Variants in PARP8 observed in about 807,000 individuals in gnomAD.
PARP8 encodes protein mono-ADP-ribosyltransferase PARP8.
In PARP8, 51 loss-of-function variants were observed where a neutral mutation model predicts 124.1. The observed-to-expected ratio is 0.41, with a 90% CI of 0.33 to 0.52. The LOEUF is 0.52. PARP8 is among the 20% of genes least tolerant of loss of function. The pLI is 0.21. For missense variants in PARP8, 860 were observed against 1,018.9 expected (o/e 0.84, Z 2.12); for synonymous variants, 391 against 361.5 (o/e 1.08, Z -0.93).
At chr5:50,682,800 G>T (rs1349363581) in intron 2 of PARP8, among the ~76,000 whole-genome samples, 1 of 152,150 alleles carries the variant, frequency 6.6e-6, no homozygotes, top group Non-Finnish European at 1.5e-5. Context: ...GTGGACCAGA[G>T]GTGAGCAGAG....
intron 3 of PARP8, among the ~76,000 whole-genome samples, chr5:50,752,939 A>G (rs768931750): frequency 9.9e-5 from 15 of 152,042 alleles, no homozygotes; most frequent in Non-Finnish European, 1.3e-4. Flanking sequence ...AACTTGTACC[A>G]TCTATTGAAA....
Position 50,793,484 on chromosome 5 carries a change from G to A in PARP8, c.738-723G>A, listed in dbSNP as rs181158888. On this transcript the variant is annotated intron_variant, in intron 10 of 25. Transcript: ENST00000281631. Reference sequence around the variant, plus strand: ...GCATTCCAGAATTCTTTACCATAAAGCACTGATGGAGTGATTTTGACATAG... The same window carrying A: ...GCATTCCAGAATTCTTTACCATAAAACACTGATGGAGTGATTTTGACATAG... Among the ~76,000 whole-genome samples the A allele has an allele frequency of 1.8e-4, 28 of 152,268 alleles. 1 individual carries two copies. The East Asian group carries it at 5.4e-3, about 29-fold the overall frequency.
At chr5:50,841,303 A>G (rs1221629212) in intron 25 of PARP8, among the ~76,000 whole-genome samples, 2 of 151,904 alleles carry the variant, frequency 1.3e-5, no homozygotes, top group African/African-American at 4.8e-5. Flanking sequence ...ATGAATTACC[A>G]TCTAAAATGT....
At chr5:50,743,848 T>C (rs900472236) in intron 2 of PARP8, among the ~76,000 whole-genome samples, 5 of 152,230 alleles carry the variant, frequency 3.3e-5, no homozygotes, top group African/African-American at 4.8e-5. Context: ...TTGTTTGTCA[T>C]GTGCAATTTT....
At chr5:50,816,467 A>G (rs1391499230) in intron 15 of PARP8, among the ~76,000 whole-genome samples, 1 of 152,204 alleles carries the variant, frequency 6.6e-6, no homozygotes, top group Non-Finnish European at 1.5e-5. Context: ...ATGAAGGCAC[A>G]ACAGTTTAAT....
At chr5:50,730,009 TA>T (rs1278680872) in intron 2 of PARP8, among the ~76,000 whole-genome samples, 2 of 152,184 alleles carry the variant, frequency 1.3e-5, no homozygotes, top group Non-Finnish European at 2.9e-5. Flanking sequence ...AATGCTTTCT[TA>T]AAGTGAGCAC....
chr5:50,815,869 A>G (rs1266957070), intron 15 of PARP8, among the ~76,000 whole-genome samples: 1 of 152,198 alleles, frequency 6.6e-6, no homozygotes, highest in African/African-American at 2.4e-5. Flanking sequence ...ATGGAAGCCA[A>G]TTTATTTTTA....
In PARP8 at chr5:50,666,817, C is replaced by T. The variant is rs1749328009; in HGVS notation, c.-279C>T. 2 of 1,234,282 alleles carry T rather than the reference C, an allele frequency of 1.6e-6. No homozygotes were observed. The highest frequency in any genetic ancestry group is 3.9e-5 in the East Asian group (1 of 25,386). The allele number at this position is 1,234,282 out of a possible 1,614,324, so 76.5% of individuals were successfully genotyped here. ...AAGTGAGACTTGGTGTCATCACCATCCATTGTCAGAAGGGGAGGAAATTGG... is the reference window on the plus strand; with the variant it reads ...AAGTGAGACTTGGTGTCATCACCATTCATTGTCAGAAGGGGAGGAAATTGG... On this transcript the variant is annotated 5_prime_UTR_variant, in exon 1 of 26. Transcript: ENST00000281631.
intron 10 of PARP8, among the ~76,000 whole-genome samples, chr5:50,792,517 C>G (rs1433652358): frequency 6.6e-6 from 1 of 151,638 alleles, no homozygotes; most frequent in Non-Finnish European, 1.5e-5. Flanking sequence ...CAAGATTAGG[C>G]AAGCACTTGC....
intron 12 of PARP8, 27 bp from the exon 13 acceptor site, chr5:50,796,952 TATC>T (rs769068805): frequency 2.5e-6 from 4 of 1,575,970 alleles, no homozygotes; most frequent in Non-Finnish European, 2.6e-6. Context: ...TTAAAAAAAT[TATC>T]ATTTTTTTTT....
rs185786685 is a variant in PARP8 at position 50,759,153 on chromosome 5, G to A, written c.185-490G>A. 3.1e-4 allele frequency among the ~76,000 whole-genome samples: 47 copies of A among 152,118 alleles called. No individual in the cohort carries two copies. The East Asian group carries it at 8.5e-3, about 28-fold the overall frequency. ...AGGCTGGTATCAAACTCCTGACCTC[G>A]AGTGACCCGCCTGCCTAGGCCTCCC... is the stretch of plus-strand genomic sequence containing the variant. On this transcript the variant is annotated intron_variant, in intron 3 of 25. Transcript: ENST00000281631.
intron 24 of PARP8, 29 bp downstream of exon 24, chr5:50,834,077 G>A (rs753577484): frequency 6.6e-7 from 1 of 1,524,602 alleles, no homozygotes; most frequent in Admixed American, 1.7e-5. Context: ...AAACCTCATA[G>A]TGTTAGTTCC....
intron 15 of PARP8, among the ~76,000 whole-genome samples, chr5:50,820,067 A>G (rs555739041): frequency 7.9e-5 from 12 of 152,242 alleles, no homozygotes; most frequent in East Asian, 7.7e-4. Context: ...ATGCATGTCT[A>G]TGTACTCGGG....
intron 2 of PARP8, among the ~76,000 whole-genome samples, chr5:50,734,992 T>G (rs1461204362): frequency 6.6e-6 from 1 of 152,134 alleles, no homozygotes; most frequent in Non-Finnish European, 1.5e-5. Context: ...TATATAGTTA[T>G]AATATCTAGT....
intron 2 of PARP8, among the ~76,000 whole-genome samples, chr5:50,721,027 G>A (rs1755821641): frequency 6.6e-6 from 1 of 151,258 alleles, no homozygotes; most frequent in Non-Finnish European, 1.5e-5. Context: ...TACATCTCCT[G>A]TGTCCTCTGC....
chr5:50,675,876 T>A (rs953117646), intron 2 of PARP8, among the ~76,000 whole-genome samples: 2 of 152,194 alleles, frequency 1.3e-5, no homozygotes, highest in Non-Finnish European at 2.9e-5. Context: ...CAGTATTTTG[T>A]TTAGAGACTA....
chr5:50,775,303 C>T (rs1223022324), intron 7 of PARP8, among the ~76,000 whole-genome samples: 2 of 152,194 alleles, frequency 1.3e-5, no homozygotes, highest in Admixed American at 1.3e-4. Context: ...ATCTGCAATC[C>T]CAGCACTTCG....
chr5:50,813,061 G>T (rs1017079724), intron 14 of PARP8, among the ~76,000 whole-genome samples: 2 of 152,174 alleles, frequency 1.3e-5, no homozygotes, highest in African/African-American at 4.8e-5. Flanking sequence ...GCTTAGGATT[G>T]TCTTAACAAT....
intron 15 of PARP8, among the ~76,000 whole-genome samples, chr5:50,819,904 A>G (rs1208333706): frequency 6.6e-6 from 1 of 152,056 alleles, no homozygotes; most frequent in African/African-American, 2.4e-5. Context: ...GGGTTTTATT[A>G]TGTCCTTATT....
Sources: allele counts gnomAD v4.1 joint callset (sites outside exome capture counted in the v4.1 genomes callset), GRCh38; gene constraint gnomAD v4.1.1; transcripts MANE v1.5; gene names NCBI Gene and HGNC (gene_info 2026-07-23, HGNC 2026-07-21).